SH3KBP1: variants seen among roughly 807,000 people sequenced by gnomAD.
SH3KBP1 encodes the protein SH3 domain containing kinase binding protein 1.
A neutral mutation model predicts 50.1 loss-of-function variants in SH3KBP1; 8 were observed. The ratio of observed to expected loss-of-function variants is 0.16; its 90% CI spans 0.09 to 0.29. The LOEUF (loss-of-function observed/expected upper bound fraction) is 0.29, where lower values mean the gene tolerates loss of function less well. SH3KBP1 is among the 10% of genes least tolerant of loss of function. SH3KBP1 has a pLI of 1.00. For missense variants in SH3KBP1, 377 were observed against 535.2 expected (o/e 0.70, Z 2.92); for synonymous variants, 227 against 218.6 (o/e 1.04, Z -0.34).
intron 3 of SH3KBP1, among the ~76,000 whole-genome samples, chrX:19,716,898 T>G (rs1202987121): frequency 9.0e-6 from 1 of 111,161 alleles, no homozygotes; most frequent in Non-Finnish European, 1.9e-5. Context: ...GAGTTTCTAG[T>G]GGACTCTGGA....
At chrX:19,594,099 A>C (rs1167496002) in intron 10 of SH3KBP1, among the ~76,000 whole-genome samples, 1 of 112,430 alleles carries the variant, frequency 8.9e-6, no homozygotes, top group African/African-American at 3.2e-5. Flanking sequence ...CCAATCTTGA[A>C]ATTTATTCAT....
chrX:19,654,286 G>T (rs1602850319), intron 6 of SH3KBP1, among the ~76,000 whole-genome samples: 1 of 111,723 alleles, frequency 9.0e-6, no homozygotes, highest in South Asian at 3.8e-4. Context: ...GACAGTAACA[G>T]GAGGGGTGAG....
intron 2 of SH3KBP1, among the ~76,000 whole-genome samples, chrX:19,802,331 G>A (rs2066918300): frequency 9.0e-6 from 1 of 110,880 alleles, no homozygotes. Flanking sequence ...GGAGGCGCAG[G>A]TTGCAGTGAG....
chrX:19,571,386 C>A (rs1285873382), intron 12 of SH3KBP1, among the ~76,000 whole-genome samples: 3 of 111,925 alleles, frequency 2.7e-5, no homozygotes, highest in African/African-American at 9.8e-5. Flanking sequence ...CCCTCTCCGT[C>A]CCCTGGCTAC....
intron 1 of SH3KBP1, among the ~76,000 whole-genome samples, chrX:19,867,057 T>C (rs978063031): frequency 1.8e-5 from 2 of 111,670 alleles, no homozygotes; most frequent in African/African-American, 3.3e-5. Context: ...AAGTCACATG[T>C]TGTTTTCACT....
At chrX:19,652,725 T>C (rs1405153973) in intron 6 of SH3KBP1, among the ~76,000 whole-genome samples, 1 of 112,221 alleles carries the variant, frequency 8.9e-6, no homozygotes, top group African/African-American at 3.2e-5. Context: ...TCCTACTTCT[T>C]GTGACACCCA....
At chrX:19,782,423 G>T (rs2066210303) in intron 2 of SH3KBP1, among the ~76,000 whole-genome samples, 1 of 111,760 alleles carries the variant, frequency 8.9e-6, no homozygotes, top group Non-Finnish European at 1.9e-5. Context: ...TGGTAGCCAA[G>T]GAAAACTAAC....
chrX:19,614,924 G>C (rs997453088), intron 8 of SH3KBP1, among the ~76,000 whole-genome samples: 49 of 111,818 alleles, frequency 4.4e-4, no homozygotes, highest in African/African-American at 1.6e-3. Flanking sequence ...TGTCAATTCT[G>C]AATAAATGTT....
intron 3 of SH3KBP1, among the ~76,000 whole-genome samples, chrX:19,728,244 C>G (rs981122281): frequency 9.0e-6 from 1 of 111,229 alleles, no homozygotes; most frequent in African/African-American, 3.3e-5. Flanking sequence ...AATCTGATAT[C>G]CAAAATGCTC....
intron 12 of SH3KBP1, among the ~76,000 whole-genome samples, chrX:19,577,105 T>C (rs1221303773): frequency 5.3e-5 from 6 of 112,552 alleles, no homozygotes; most frequent in Non-Finnish European, 7.5e-5. Flanking sequence ...CTCTAAAACA[T>C]ATCTTCATGT....
intron 2 of SH3KBP1, among the ~76,000 whole-genome samples, chrX:19,781,892 G>A (rs2066192587): frequency 8.9e-6 from 1 of 111,732 alleles, no homozygotes; most frequent in African/African-American, 3.3e-5. Context: ...CTTTCTGAAG[G>A]ATTTTTTTAA....
At position 19,842,396 on chromosome X, in the gene SH3KBP1, C is replaced by A. The variant is rs1015276456; in HGVS notation, c.5-6114G>T. On this transcript the variant is annotated intron_variant, in intron 1 of 17. Coordinates refer to ENST00000397821, the MANE Select transcript of SH3KBP1 (RefSeq NM_031892.3). ...CAAAAATTAGCTGGGTGTGGTGGCA[C>A]GTGCCTGTAATCCCAGCTACTCAGG... is the stretch of plus-strand genomic sequence containing the variant. Among the ~76,000 whole-genome samples the A allele has an allele frequency of 2.7e-5, 3 of 110,546 alleles. No homozygotes were observed. The Admixed American group carries it at 2.9e-4, about 11-fold the overall frequency.
At chrX:19,827,930 C>G (rs954272190) in intron 2 of SH3KBP1, among the ~76,000 whole-genome samples, 29 of 106,322 alleles carry the variant, frequency 2.7e-4, no homozygotes, top group Non-Finnish European at 5.2e-4. Flanking sequence ...AACAAAAAAC[C>G]CAAAACTTAG....
intron 2 of SH3KBP1, among the ~76,000 whole-genome samples, chrX:19,823,875 G>T (rs1170825863): frequency 1.8e-5 from 2 of 111,890 alleles, no homozygotes; most frequent in Non-Finnish European, 3.8e-5. Context: ...AGGCTGGAGT[G>T]CAGTGCCACA....
At chrX:19,697,451 T>C (rs2063444653) in intron 4 of SH3KBP1, among the ~76,000 whole-genome samples, 1 of 112,132 alleles carries the variant, frequency 8.9e-6, no homozygotes, top group Non-Finnish European at 1.9e-5. Flanking sequence ...CACTTCACAG[T>C]TGTCGTCTTT....
At chrX:19,572,019 C>T (rs1469442765) in intron 12 of SH3KBP1, among the ~76,000 whole-genome samples, 1 of 110,460 alleles carries the variant, frequency 9.1e-6, no homozygotes, top group African/African-American at 3.3e-5. Context: ...AACTGTCAAT[C>T]TGGGAGCTGC....
At position 19,547,819 on chromosome X, in the gene SH3KBP1, G is replaced by A. The variant is rs145374964; in HGVS notation, c.1495-1769C>T. Among the ~76,000 whole-genome samples, 1,074 of 112,096 alleles carry A rather than the reference G, an allele frequency of 9.6e-3. 13 individuals are homozygous for A. Among genetic ancestry groups the A allele is most frequent in the African/African-American group, 0.033 (1,005 of 30,906 alleles). ...TCCCCCAGTGGCCTTTGAGGAATAC[G>A]CCCATATCCACTAAGCCTCCACTTG... On this transcript the variant is annotated intron_variant, in intron 14 of 17. Coordinates refer to ENST00000397821, the MANE Select transcript of SH3KBP1 (RefSeq NM_031892.3).
chrX:19,825,174 C>A (rs921738237), intron 2 of SH3KBP1, among the ~76,000 whole-genome samples: 1 of 111,727 alleles, frequency 9.0e-6, no homozygotes, highest in Non-Finnish European at 1.9e-5. Flanking sequence ...TTAATAATAA[C>A]GAAATATTTT....
chrX:19,794,814 C>T (rs2066661965), intron 2 of SH3KBP1, among the ~76,000 whole-genome samples: 1 of 112,350 alleles, frequency 8.9e-6, no homozygotes, highest in Admixed American at 9.4e-5. Context: ...ACAGTACACA[C>T]TCATTAAATG....
Sources: allele counts gnomAD v4.1 joint callset (sites outside exome capture counted in the v4.1 genomes callset), GRCh38; gene constraint gnomAD v4.1.1; transcripts MANE v1.5; gene names NCBI Gene and HGNC (gene_info 2026-07-23, HGNC 2026-07-21).